The following MBOAT2 variants were observed in gnomAD, a reference collection of about 807,000 sequenced individuals.
MBOAT2 encodes the protein membrane-bound glycerophospholipid O-acyltransferase 2.
A neutral mutation model predicts 63.4 loss-of-function variants in MBOAT2; 28 were observed. That is an observed-to-expected ratio of 0.44 (90% CI 0.33 to 0.61). MBOAT2 has a LOEUF of 0.61. MBOAT2 is among the 20% of genes least tolerant of loss of function. MBOAT2 has a pLI of 0.03. For missense variants in MBOAT2, 470 were observed against 605.8 expected (o/e 0.78, Z 2.35); for synonymous variants, 211 against 215.6 (o/e 0.98, Z 0.19).
chr2:8,981,656 T>C (rs372900795), intron 1 of MBOAT2, among the ~76,000 whole-genome samples: 4 of 149,310 alleles, frequency 2.7e-5, no homozygotes, highest in African/African-American at 7.4e-5. Context: ...AGAGAGGGGG[T>C]AGGGCAGTGG....
At chr2:8,987,365 TTA>T (rs933605165) in intron 1 of MBOAT2, among the ~76,000 whole-genome samples, 1 of 152,236 alleles carries the variant, frequency 6.6e-6, no homozygotes, top group Non-Finnish European at 1.5e-5. Flanking sequence ...GTTACACAGG[TTA>T]TGAGTTACAC....
intron 2 of MBOAT2, among the ~76,000 whole-genome samples, chr2:8,947,718 T>A (rs1260497348): frequency 6.6e-6 from 1 of 152,228 alleles, no homozygotes; most frequent in Non-Finnish European, 1.5e-5. Context: ...AAGCCCCTTG[T>A]CGAGATCCAT....
chr2:8,958,435 CA>C lies in MBOAT2; in HGVS notation c.221+61del, dbSNP rs1669380717. On this transcript the variant is annotated intron_variant, in intron 2 of 12. Transcript: ENST00000305997. ...ACCCTACATAATGTATCTTTCCACA[CA>C]CTCAATTCTCAAATACATCCAAATA... is the stretch of plus-strand genomic sequence containing the variant. 2.1e-6 allele frequency: 3 copies of C among 1,429,088 alleles called. No individual in the cohort carries two copies. The East Asian group carries it at 7.2e-5, about 34-fold the overall frequency. 88.5% of individuals were successfully genotyped at this position (1,429,088 alleles called of 1,614,324 possible).
intron 6 of MBOAT2, among the ~76,000 whole-genome samples, chr2:8,878,328 T>A (rs1662848714): frequency 6.6e-6 from 1 of 152,162 alleles, no homozygotes; most frequent in African/African-American, 2.4e-5. Flanking sequence ...AAAAAACAGC[T>A]GCATTAAGAA....
chr2:8,924,859 T>G (rs1037480949), intron 3 of MBOAT2, among the ~76,000 whole-genome samples: 2 of 152,186 alleles, frequency 1.3e-5, no homozygotes, highest in African/African-American at 2.4e-5. Flanking sequence ...TAAGCAAGAT[T>G]ATTTTATCTT....
At chr2:8,951,635 A>G (rs1479125038) in intron 2 of MBOAT2, among the ~76,000 whole-genome samples, 1 of 152,110 alleles carries the variant, frequency 6.6e-6, no homozygotes. Context: ...TTGGTGTTTC[A>G]ATTTCTTCCT....
intron 2 of MBOAT2, among the ~76,000 whole-genome samples, chr2:8,949,009 T>G (rs750070098): frequency 1.3e-4 from 20 of 152,246 alleles, no homozygotes; most frequent in Non-Finnish European, 2.6e-4. Context: ...CGTTGTGTTT[T>G]GACTTTTTAA....
At chr2:8,949,674 T>G (rs998866062) in intron 2 of MBOAT2, among the ~76,000 whole-genome samples, 11 of 152,304 alleles carry the variant, frequency 7.2e-5, no homozygotes, top group African/African-American at 2.6e-4. Context: ...TATTTTGCAG[T>G]CTTCTATTCT....
chr2:8,878,711 A>T (rs1235473499), intron 6 of MBOAT2, among the ~76,000 whole-genome samples: 1 of 152,244 alleles, frequency 6.6e-6, no homozygotes, highest in Non-Finnish European at 1.5e-5. Flanking sequence ...TCCATCTGAT[A>T]CTATCTGGGT....
intron 6 of MBOAT2, among the ~76,000 whole-genome samples, chr2:8,878,562 G>A (rs1280917076): frequency 6.6e-6 from 1 of 152,162 alleles, no homozygotes; most frequent in Non-Finnish European, 1.5e-5. Flanking sequence ...GCCCAGGCTG[G>A]ACTCAAACTC....
chr2:8,903,476 A>ATTT (rs369501565), intron 4 of MBOAT2, among the ~76,000 whole-genome samples: 1 of 148,770 alleles, frequency 6.7e-6, no homozygotes, highest in Non-Finnish European at 1.5e-5. Context: ...TTTCACATAG[A>ATTT]TTTTTTTTTT....
chr2:8,975,540 C>T (rs1025629274), intron 1 of MBOAT2, among the ~76,000 whole-genome samples: 6 of 152,056 alleles, frequency 3.9e-5, no homozygotes, highest in African/African-American at 1.4e-4. Flanking sequence ...CAAGAGTTTG[C>T]TTAAAATCAA....
At chr2:8,994,940 A>G (rs74585672) in intron 1 of MBOAT2, among the ~76,000 whole-genome samples, 14 of 152,384 alleles carry the variant, frequency 9.2e-5, no homozygotes, top group African/African-American at 3.1e-4. Context: ...TGAGTATGCA[A>G]GTACTTTAAG....
chr2:8,978,043 G>GA (rs1317086910), intron 1 of MBOAT2, among the ~76,000 whole-genome samples: 2 of 152,000 alleles, frequency 1.3e-5, no homozygotes, highest in African/African-American at 2.4e-5. Context: ...TCCCTACACA[G>GA]CAGCCACAGA....
At chr2:8,954,294 G>T (rs992399433) in intron 2 of MBOAT2, among the ~76,000 whole-genome samples, 1 of 152,090 alleles carries the variant, frequency 6.6e-6, no homozygotes, top group South Asian at 2.1e-4. Context: ...ACATAGCTGC[G>T]TATATACTTG....
intron 8 of MBOAT2, among the ~76,000 whole-genome samples, chr2:8,871,919 T>C (rs1662355290): frequency 6.6e-6 from 1 of 152,232 alleles, no homozygotes; most frequent in Non-Finnish European, 1.5e-5. Flanking sequence ...AAGGAGTTTA[T>C]AATCTTGTGG....
intron 3 of MBOAT2, among the ~76,000 whole-genome samples, chr2:8,936,988 C>G (rs900019124): frequency 6.6e-6 from 1 of 152,156 alleles, no homozygotes; most frequent in African/African-American, 2.4e-5. Context: ...CAATTAGGTA[C>G]GCCTGAAACA....
At chr2:8,984,414 T>C (rs193054195) in intron 1 of MBOAT2, among the ~76,000 whole-genome samples, 211 of 152,304 alleles carry the variant, frequency 1.4e-3, no homozygotes, top group Non-Finnish European at 2.2e-3. Flanking sequence ...CATACATACG[T>C]TTGTGGTTAA....
chr2:8,939,801 A>C (rs969152879), intron 3 of MBOAT2, among the ~76,000 whole-genome samples: 5 of 152,154 alleles, frequency 3.3e-5, no homozygotes, highest in Non-Finnish European at 1.5e-5. Context: ...TGATGTCAAA[A>C]TCACTAGAAA....
Sources: allele counts gnomAD v4.1 joint callset (sites outside exome capture counted in the v4.1 genomes callset), GRCh38; gene constraint gnomAD v4.1.1; transcripts MANE v1.5; gene names NCBI Gene and HGNC (gene_info 2026-07-23, HGNC 2026-07-21).